Variants in OR51A4 observed in about 807,000 individuals in gnomAD.
OR51A4 encodes olfactory receptor 51A4.
For missense variants in OR51A4, 243 were observed against 364.0 expected, an observed-to-expected ratio of 0.67 and a Z score of 2.70; for synonymous variants, 96 against 141.5, an observed-to-expected ratio of 0.68 and a Z score of 2.28.
Position 4,947,196 on chromosome 11 carries a change from A to C in OR51A4, c.-62-34T>G. ...TTAGTAGAAAAAAAGCAGTGTTAAA[A>C]TTTGTGGCTTCTTTCAGCTTTCTTT... On this transcript the variant is annotated intron_variant, in intron 1 of 1. Transcript: ENST00000641898. 2.2e-6 allele frequency: 2 copies of C among 898,152 alleles called. 1 individual carries two copies. Among genetic ancestry groups the C allele is most frequent in the South Asian group, 3.5e-5 (2 of 57,458 alleles). 55.6% of individuals were successfully genotyped at this position (898,152 alleles called of 1,614,324 possible).
rs1422710218 is a variant in OR51A4, at chr11:4,946,899, A to G, written c.202T>C (p.Leu68=). 2 of 1,606,858 alleles carry G rather than the reference A, an allele frequency of 1.2e-6. No homozygotes were observed. Among genetic ancestry groups the G allele is most frequent in the South Asian group, 1.1e-5 (1 of 90,912 alleles). ...GACAAACCCAAGTCTGACATAGCCAACATGGAAAGAAAATAGTACATGGGC... is the reference window on the plus strand; with the variant it reads ...GACAAACCCAAGTCTGACATAGCCAGCATGGAAAGAAAATAGTACATGGGC... ...HEPMYYFLSM[L]AMSDLGLSLS... The change falls in exon 2 of 2, where the codon TTG becomes CTG. Residue 68 remains leucine (L), a synonymous_variant. Coordinates refer to ENST00000641898, the MANE Select transcript of OR51A4 (RefSeq NM_001005329.2).
chr11:4,946,208 T>C lies in OR51A4; in HGVS notation c.893A>G (p.Lys298Arg), dbSNP rs1846299559. The C allele has an allele frequency of 3.1e-6, 5 of 1,614,072 alleles. No homozygotes were observed. The change falls in exon 2 of 2, where the codon AAA (lysine) becomes AGA (arginine). Residue 298 changes from lysine to arginine, a missense_variant. Lys to Arg is a conservative substitution (Grantham distance 26). Coordinates refer to ENST00000641898, the MANE Select transcript of OR51A4 (RefSeq NM_001005329.2). Reference protein sequence around the residue: ...TNPIVYCVKTKQIRVRVVAKL... With the variant: ...TNPIVYCVKTRQIRVRVVAKL... ...TGCTACAACTCTCACTCTAATCTGT[T>C]TAGTTTTTACACAATAAACAATTGG...
chr11:4,946,036 A>G lies in OR51A4; in HGVS notation c.*123T>C, dbSNP rs1394585843. ...CTCATTCGCAGTATCCAGAGTGAATAAAATAACTCTATGACAACAACAAAA... is the reference window on the plus strand; with the variant it reads ...CTCATTCGCAGTATCCAGAGTGAATGAAATAACTCTATGACAACAACAAAA... On this transcript the variant is annotated 3_prime_UTR_variant, in exon 2 of 2. Transcript: ENST00000641898. 4.6e-5 allele frequency: 41 copies of G among 891,364 alleles called. No homozygotes were observed. Among genetic ancestry groups the G allele is most frequent in the Non-Finnish European group, 5.9e-5 (35 of 594,022 alleles). The allele number at this position is 891,364 out of a possible 1,614,324, so 55.2% of individuals were successfully genotyped here.
chr11:4,946,294 G>C lies in OR51A4; in HGVS notation c.807C>G (p.Val269=). 1 of 1,613,796 alleles carries C rather than the reference G, an allele frequency of 6.2e-7. No individual in the cohort carries two copies. The highest frequency in any genetic ancestry group is 8.5e-7 in the Non-Finnish European group (1 of 1,179,900). ...CCATGAGAACATTAATGAGGGGAGAGACATGCCGGGCAAAGCGGTGGACAA... is the reference window on the plus strand; with the variant it reads ...CCATGAGAACATTAATGAGGGGAGACACATGCCGGGCAAAGCGGTGGACAA... ...LAVVHRFARH[V]SPLINVLMAN... is the part of the protein sequence containing the mutation. Residue 269 remains valine, a synonymous_variant, in exon 2 of 2, where the codon GTC becomes GTG. Coordinates refer to ENST00000641898, the MANE Select transcript of OR51A4 (RefSeq NM_001005329.2).
chr11:4,944,241 T>C lies in OR51A4; in HGVS notation c.*1918A>G, dbSNP rs1846260593. The C allele has an allele frequency of 2.9e-6, 1 of 350,714 alleles. No individual in the cohort carries two copies. Among genetic ancestry groups the C allele is most frequent in the Non-Finnish European group, 5.5e-6 (1 of 181,762 alleles). The allele number at this position is 350,714 out of a possible 1,614,324, so 21.7% of individuals were successfully genotyped here. ...CATACGTAGTCCTGAATTTAAAAAC[T>C]AAAATGTATTCAAGATAATACTATC... On this transcript the variant is annotated 3_prime_UTR_variant, in exon 2 of 2. Transcript: ENST00000641898.
rs147925897 is a variant in OR51A4 at position 4,946,311 on chromosome 11, G to A, written c.790C>T (p.Arg264Cys). 18 of 1,613,812 alleles carry A rather than the reference G, an allele frequency of 1.1e-5. No homozygotes were observed. The highest frequency in any genetic ancestry group is 1.7e-4 in the Middle Eastern group (1 of 6,054). ...AGGGGAGAGACATGCCGGGCAAAGC[G>A]GTGGACAACGGCCAGGTTGATGATG... ...LPIINLAVVH[R>C]FARHVSPLIN... Residue 264 changes from arginine to cysteine, a missense_variant, in exon 2 of 2, where the codon CGC (arginine) becomes TGC (cysteine). Coordinates refer to ENST00000641898, the MANE Select transcript of OR51A4 (RefSeq NM_001005329.2).
rs149756241 is a variant in OR51A4, at chr11:4,944,234, TA to T, written c.*1924del. 6,426 of 358,778 alleles carry T rather than the reference TA, an allele frequency of 0.018. 86 individuals are homozygous for T. Among genetic ancestry groups the T allele is most frequent in the Middle Eastern group, 0.043 (103 of 2,378 alleles). 22.2% of individuals were successfully genotyped at this position (358,778 alleles called of 1,614,324 possible). On this transcript the variant is annotated 3_prime_UTR_variant, in exon 2 of 2. Transcript: ENST00000641898. The stretch of plus-strand genomic sequence containing the variant: ...GTGAAAACATACGTAGTCCTGAATT[TA>T]AAAACTAAAATGTATTCAAGATAAT...
rs778921386 is a variant in OR51A4, at chr11:4,943,814, T to G, written c.*2345A>C. 1 of 437,514 alleles carries G rather than the reference T, an allele frequency of 2.3e-6. No individual in the cohort carries two copies. The highest frequency in any genetic ancestry group is 1.7e-5 in the South Asian group (1 of 60,042). The allele number at this position is 437,514 out of a possible 1,614,324, so 27.1% of individuals were successfully genotyped here. A position where few individuals can be genotyped will look rare whatever the true frequency, so the allele number is the denominator to read the frequency against. Reference sequence around the variant, plus strand: ...TAAATCTTCACCTCCCCCATTGAGATTTATGTATCTTTATTTTATTTTTCA... The same window carrying G: ...TAAATCTTCACCTCCCCCATTGAGAGTTATGTATCTTTATTTTATTTTTCA... On this transcript the variant is annotated 3_prime_UTR_variant, in exon 2 of 2. Coordinates refer to ENST00000641898, the MANE Select transcript of OR51A4 (RefSeq NM_001005329.2).
chr11:4,943,556 A>T lies in OR51A4; in HGVS notation c.*2603T>A, dbSNP rs1205630588. 7 of 444,834 alleles carry T rather than the reference A, an allele frequency of 1.6e-5. No individual in the cohort carries two copies. The highest frequency in any genetic ancestry group is 7.3e-5 in the Admixed American group (3 of 40,872). The allele number at this position is 444,834 out of a possible 1,614,324, so 27.6% of individuals were successfully genotyped here. A position where few individuals can be genotyped will look rare whatever the true frequency, so the allele number is the denominator to read the frequency against. On this transcript the variant is annotated 3_prime_UTR_variant, in exon 2 of 2. Transcript: ENST00000641898. ...CTTTTGGGTAAGGGCTATCCTGTAC[A>T]TTAAAGAATGGTTAGTAGCGTCTCC... is the stretch of plus-strand genomic sequence containing the variant.
At position 4,945,750 on chromosome 11, in the gene OR51A4, A is replaced by G; in HGVS notation, c.*409T>C. The G allele has an allele frequency of 4.3e-6, 1 of 230,878 alleles. No homozygotes were observed. The highest frequency in any genetic ancestry group is 8.5e-6 in the Non-Finnish European group (1 of 117,892). 14.3% of individuals were successfully genotyped at this position (230,878 alleles called of 1,614,324 possible). On this transcript the variant is annotated 3_prime_UTR_variant, in exon 2 of 2. Transcript: ENST00000641898. ...ATATGGAATATAAATGATTAAATTA[A>G]AAAAATGGTTGTATTCTAAGATGAT...
Position 4,943,614 on chromosome 11 carries a change from C to T in OR51A4, c.*2545G>A, listed in dbSNP as rs1846249412. 1 of 383,542 alleles carries T rather than the reference C, an allele frequency of 2.6e-6. No individual in the cohort carries two copies. The highest frequency in any genetic ancestry group is 3.0e-5 in the Admixed American group (1 of 32,946). 23.8% of individuals were successfully genotyped at this position (383,542 alleles called of 1,614,324 possible). ...AATCAGTGGAAGTCAGTGACACACCCACACCCCCAGGTTGCAACAACCGAA... is the reference window on the plus strand; with the variant it reads ...AATCAGTGGAAGTCAGTGACACACCTACACCCCCAGGTTGCAACAACCGAA... On this transcript the variant is annotated 3_prime_UTR_variant, in exon 2 of 2. Coordinates refer to ENST00000641898, the MANE Select transcript of OR51A4 (RefSeq NM_001005329.2).
Position 4,942,873 on chromosome 11 carries a change from A to C in OR51A4, c.*3286T>G, listed in dbSNP as rs2595996. 0.81 allele frequency: 123,927 copies of C among 152,078 alleles called. 50,662 individuals are homozygous for C. The highest frequency in any genetic ancestry group is 0.9 in the East Asian group (4,658 of 5,172). 9.4% of individuals were successfully genotyped at this position (152,078 alleles called of 1,614,324 possible). A position where few individuals can be genotyped will look rare whatever the true frequency, so the allele number is the denominator to read the frequency against. ...AAGCAAGAATAACACATTCAATTAA[A>C]TGGATTGGGTTGATTGTACACAATT... On this transcript the variant is annotated 3_prime_UTR_variant, in exon 2 of 2. Transcript: ENST00000641898.
chr11:4,944,175 C>A lies in OR51A4; in HGVS notation c.*1984G>T, dbSNP rs1589946735. On this transcript the variant is annotated 3_prime_UTR_variant, in exon 2 of 2. Transcript: ENST00000641898. ...ACATAGGAACAGTTCTTGCCCTGAT[C>A]TGATGATAGGATTTTCTACACTAGG... 2.3e-6 allele frequency: 1 copy of A among 430,888 alleles called. No homozygotes were observed. The highest frequency in any genetic ancestry group is 4.6e-6 in the Non-Finnish European group (1 of 219,460). The allele number at this position is 430,888 out of a possible 1,614,324, so 26.7% of individuals were successfully genotyped here.
Position 4,943,805 on chromosome 11 carries a change from C to G in OR51A4, c.*2354G>C. 2.3e-6 allele frequency: 1 copy of G among 430,242 alleles called. No homozygotes were observed. Among genetic ancestry groups the G allele is most frequent in the South Asian group, 1.7e-5 (1 of 58,586 alleles). 26.7% of individuals were successfully genotyped at this position (430,242 alleles called of 1,614,324 possible). On this transcript the variant is annotated 3_prime_UTR_variant, in exon 2 of 2. Transcript: ENST00000641898. ...TGCTGACCATAAATCTTCACCTCCC[C>G]CATTGAGATTTATGTATCTTTATTT...
chr11:4,944,795 TA>T lies in OR51A4; in HGVS notation c.*1363del, dbSNP rs1846269578. The T allele has an allele frequency of 6.6e-6, 1 of 152,128 alleles. No individual in the cohort carries two copies. 9.4% of individuals were successfully genotyped at this position (152,128 alleles called of 1,614,324 possible). A position where few individuals can be genotyped will look rare whatever the true frequency, so the allele number is the denominator to read the frequency against. ...ATCATATCTTTTTTTTTTCCTGTTT[TA>T]AAAATCATTAGCATCAATGATATGC... On this transcript the variant is annotated 3_prime_UTR_variant, in exon 2 of 2. Transcript: ENST00000641898.
At position 4,946,013 on chromosome 11, in the gene OR51A4, C is replaced by A; in HGVS notation, c.*146G>T. ...TACTTCCTGTTTATAGTTCTATTCT[C>A]ATTCGCAGTATCCAGAGTGAATAAA... On this transcript the variant is annotated 3_prime_UTR_variant, in exon 2 of 2. Transcript: ENST00000641898. 1 of 750,340 alleles carries A rather than the reference C, an allele frequency of 1.3e-6. No homozygotes were observed. Among genetic ancestry groups the A allele is most frequent in the South Asian group, 1.8e-5 (1 of 54,924 alleles). The allele number at this position is 750,340 out of a possible 1,614,324, so 46.5% of individuals were successfully genotyped here. A position where few individuals can be genotyped will look rare whatever the true frequency, so the allele number is the denominator to read the frequency against.
rs186167529 is a variant in OR51A4 at position 4,943,885 on chromosome 11, C to T, written c.*2274G>A. 1 of 445,402 alleles carries T rather than the reference C, an allele frequency of 2.2e-6. No individual in the cohort carries two copies. Among genetic ancestry groups the T allele is most frequent in the South Asian group, 1.6e-5 (1 of 61,808 alleles). The allele number at this position is 445,402 out of a possible 1,614,324, so 27.6% of individuals were successfully genotyped here. A position where few individuals can be genotyped will look rare whatever the true frequency, so the allele number is the denominator to read the frequency against. ...CAAAAACCCCTAAAATACAGATGAT[C>T]TTTGATACTCTTTTATGTGACATCT... On this transcript the variant is annotated 3_prime_UTR_variant, in exon 2 of 2. Coordinates refer to ENST00000641898, the MANE Select transcript of OR51A4 (RefSeq NM_001005329.2).
chr11:4,946,748 A>G lies in OR51A4; in HGVS notation c.353T>C (p.Leu118Pro), dbSNP rs765826844. ...TAGGAATCTATCAAATGACATGATC[A>G]GGAGGACTGAGGACTCCAGTACTGA... ...GFSVLESSVLLIMSFDRFLAI... is the reference protein window; with the variant it reads ...GFSVLESSVLPIMSFDRFLAI... Residue 118 changes from leucine (L) to proline (P), a missense_variant, in exon 2 of 2, where the codon CTG (leucine) becomes CCG (proline). Transcript: ENST00000641898. The G allele has an allele frequency of 2.5e-6, 4 of 1,588,706 alleles. No individual in the cohort carries two copies. The highest frequency in any genetic ancestry group is 2.8e-5 in the African/African-American group (2 of 72,708).
Position 4,945,053 on chromosome 11 carries a change from A to T in OR51A4, c.*1106T>A, listed in dbSNP as rs183538333. 22 of 152,282 alleles carry T rather than the reference A, an allele frequency of 1.4e-4. No homozygotes were observed. The highest frequency in any genetic ancestry group is 5.3e-4 in the African/African-American group (22 of 41,580). The allele number at this position is 152,282 out of a possible 1,614,324, so 9.4% of individuals were successfully genotyped here. A position where few individuals can be genotyped will look rare whatever the true frequency, so the allele number is the denominator to read the frequency against. On this transcript the variant is annotated 3_prime_UTR_variant, in exon 2 of 2. Transcript: ENST00000641898. ...CTTATAGTACACTTTATTCAAGAAG[A>T]AGAAAGAAATGAAATAAGGATAAAA...
Sources: gnomAD v4.1 joint callset for allele counts on GRCh38, gnomAD v4.1.1 for gene constraint, MANE v1.5 for transcripts, NCBI Gene and HGNC (gene_info 2026-07-23, HGNC 2026-07-21) for gene names.